Variants in ARFGEF3 observed in about 807,000 individuals in gnomAD.
ARFGEF3 encodes brefeldin A-inhibited guanine nucleotide-exchange protein 3.
ARFGEF3 carries 96 observed loss-of-function variants against 221.7 expected under a neutral mutation model. That is an observed-to-expected ratio of 0.43 (90% CI 0.37 to 0.51). The LOEUF (loss-of-function observed/expected upper bound fraction) is 0.51. ARFGEF3 is among the 20% of genes least tolerant of loss of function. ARFGEF3 has a pLI of 0.00. For missense variants in ARFGEF3, 2,410 were observed against 2,789.9 expected (o/e 0.86, Z 3.07); for synonymous variants, 1,145 against 1,126.8 (o/e 1.02, Z -0.32).
intron 4 of ARFGEF3, chr6:138,217,921 T>A: frequency 6.6e-7 from 1 of 1,523,022 alleles, no homozygotes; most frequent in East Asian, 2.3e-5. Context: ...AAACAGTCAT[T>A]GGTAGCAGAA....
At chr6:138,316,323 C>A (rs555630041) in intron 26 of ARFGEF3, among the ~76,000 whole-genome samples, 12 of 152,292 alleles carry the variant, frequency 7.9e-5, no homozygotes, top group African/African-American at 2.9e-4. Flanking sequence ...TGATACATTA[C>A]ATTATCAGAT....
intron 12 of ARFGEF3, among the ~76,000 whole-genome samples, chr6:138,275,179 A>G (rs556622776): frequency 1.3e-5 from 2 of 152,254 alleles, no homozygotes; most frequent in African/African-American, 4.8e-5. Context: ...CATGATCACA[A>G]AGTGCTCTTG....
At chr6:138,260,261 A>T (rs1262730297) in intron 10 of ARFGEF3, among the ~76,000 whole-genome samples, 1 of 152,204 alleles carries the variant, frequency 6.6e-6, no homozygotes, top group East Asian at 1.9e-4. Context: ...GTATGAAAGA[A>T]ATATGGAAAG....
Position 138,336,365 on chromosome 6 carries a change from T to G in ARFGEF3, c.6413T>G (p.Leu2138Arg), listed in dbSNP as rs749956063. 1 of 1,612,026 alleles carries G rather than the reference T, an allele frequency of 6.2e-7. No individual in the cohort carries two copies. The change falls in exon 34 of 34, where the codon CTC becomes CGC. Residue 2138 changes from leucine (L) to arginine (R), a missense_variant. Physicochemically the swap from Leu to Arg is moderately radical, Grantham distance 102. Around this residue, in one of 5 missense-constraint regions of ARFGEF3, gnomAD observed 339 missense variants for 334.9 expected, o/e 1.01. Transcript: ENST00000251691. The stretch of plus-strand genomic sequence containing the variant: ...CTCCCAGACCAGACCTTCACGGCCC[T>G]CCAGCCCGCAGTGTTCCCGTGCATC... ...QILPDQTFTA[L>R]QPAVFPCISQ... is the part of the protein sequence containing the mutation.
intron 27 of ARFGEF3, among the ~76,000 whole-genome samples, chr6:138,318,500 A>G (rs1024553154): frequency 6.6e-6 from 1 of 152,258 alleles, no homozygotes; most frequent in African/African-American, 2.4e-5. Context: ...GTTAAAATTA[A>G]TATTTGTGAA....
At position 138,337,617 on chromosome 6, in the gene ARFGEF3, A is replaced by C. The variant is rs2114705254; in HGVS notation, c.*1131A>C. The C allele has an allele frequency of 6.6e-6, 1 of 152,452 alleles. No homozygotes were observed. Among genetic ancestry groups the C allele is most frequent in the East Asian group, 1.9e-4 (1 of 5,192 alleles). 9.4% of individuals were successfully genotyped at this position (152,452 alleles called of 1,614,324 possible). On this transcript the variant is annotated 3_prime_UTR_variant, in exon 34 of 34. Coordinates refer to ENST00000251691, the MANE Select transcript of ARFGEF3 (RefSeq NM_020340.5). Reference sequence around the variant, plus strand: ...AGTCTCAAAATGAAAGTAATGGAGAAAGACACTGAAATTTAGAAAATTTTG... The same window carrying C: ...AGTCTCAAAATGAAAGTAATGGAGACAGACACTGAAATTTAGAAAATTTTG...
At position 138,308,677 on chromosome 6, in the gene ARFGEF3, A is replaced by T; in HGVS notation, c.3974-62A>T. On this transcript the variant is annotated intron_variant, in intron 23 of 33. Coordinates refer to ENST00000251691, the MANE Select transcript of ARFGEF3 (RefSeq NM_020340.5). Reference sequence around the variant, plus strand: ...GTGGAACGTGCTGGGAATATGGGCAACCCTGGCAAACCCGAGGGCAGAAAC... The same window carrying T: ...GTGGAACGTGCTGGGAATATGGGCATCCCTGGCAAACCCGAGGGCAGAAAC... The T allele has an allele frequency of 6.9e-6, 11 of 1,590,064 alleles. 1 individual carries two copies. In the South Asian group the frequency reaches 1.1e-4, roughly 16 times the overall value.
intron 8 of ARFGEF3, among the ~76,000 whole-genome samples, chr6:138,246,279 A>G (rs115828450): frequency 3.1e-3 from 477 of 151,978 alleles, no homozygotes; most frequent in African/African-American, 0.011. Context: ...TGAATTGCAA[A>G]ATTCTACAAC....
In ARFGEF3 at chr6:138,334,416, C is replaced by CTGAGGATGAAGACATCTT. The variant is rs1215273825; in HGVS notation, c.5577_5594dup (p.Asp1859_Glu1864dup). 1 of 1,612,260 alleles carries CTGAGGATGAAGACATCTT rather than the reference C, an allele frequency of 6.2e-7. No homozygotes were observed. The highest frequency in any genetic ancestry group is 1.1e-5 in the South Asian group (1 of 90,596). ...ACGGATTCTTCCCAGCAGTGTTCATCTGAGGATGAAGACATCTTTGAGGAA... is the reference window on the plus strand; with the variant it reads ...ACGGATTCTTCCCAGCAGTGTTCATCTGAGGATGAAGACATCTTTGAGGATGAAGACATCTTTGAGGAA... On this transcript the variant is annotated inframe_insertion, in exon 33 of 34. Coordinates refer to ENST00000251691, the MANE Select transcript of ARFGEF3 (RefSeq NM_020340.5). The surrounding 1 kb of genome is among the most constrained non-coding windows in gnomAD (Gnocchi z 5.1).
intron 5 of ARFGEF3, among the ~76,000 whole-genome samples, chr6:138,232,273 G>A (rs1484178280): frequency 6.6e-6 from 1 of 152,118 alleles, no homozygotes; most frequent in African/African-American, 2.4e-5. Flanking sequence ...TTGGGAGGCC[G>A]AGACAGGCGG....
In ARFGEF3 at chr6:138,286,035, G is replaced by C. The variant is rs368032566; in HGVS notation, c.2551G>C (p.Asp851His). 1.9e-6 allele frequency: 3 copies of C among 1,604,312 alleles called. No individual in the cohort carries two copies. The South Asian group carries it at 3.3e-5, about 18-fold the overall frequency. The change falls in exon 15 of 34, where the codon GAT (aspartate) becomes CAT (histidine). Residue 851 changes from aspartate (D) to histidine (H), a missense_variant. Physicochemically the swap from Asp to His is moderately conservative, Grantham distance 81. Around this residue, in one of 5 missense-constraint regions of ARFGEF3, gnomAD observed 594 missense variants for 734.3 expected, o/e 0.81. Coordinates refer to ENST00000251691, the MANE Select transcript of ARFGEF3 (RefSeq NM_020340.5). ...ESPFAQSRRIDDSTVAGVAFA... is the reference protein window; with the variant it reads ...ESPFAQSRRIHDSTVAGVAFA... Reference sequence around the variant, plus strand: ...TCCTTTCGCCCAGAGCAGGAGAATTGATGACTCCACAGTGGCAGGTAATGA... The same window carrying C: ...TCCTTTCGCCCAGAGCAGGAGAATTCATGACTCCACAGTGGCAGGTAATGA...
At chr6:138,308,064 C>T (rs959568865) in intron 23 of ARFGEF3, among the ~76,000 whole-genome samples, 1 of 152,204 alleles carries the variant, frequency 6.6e-6, no homozygotes, top group African/African-American at 2.4e-5. Flanking sequence ...AACACAGCAA[C>T]ATGTTTGCAA....
At chr6:138,224,240 G>A (rs1028287051) in intron 4 of ARFGEF3, among the ~76,000 whole-genome samples, 5 of 152,228 alleles carry the variant, frequency 3.3e-5, no homozygotes, top group African/African-American at 1.2e-4. Flanking sequence ...GTTCTCAGCA[G>A]AGCATAATGG....
intron 31 of ARFGEF3, among the ~76,000 whole-genome samples, chr6:138,326,260 A>T (rs920037671): frequency 1.3e-5 from 2 of 152,210 alleles, no homozygotes; most frequent in African/African-American, 4.8e-5. Flanking sequence ...GATAATTCTT[A>T]CAAGATTTTG....
At chr6:138,195,549 C>CA (rs1777400733) in intron 2 of ARFGEF3, among the ~76,000 whole-genome samples, 2 of 152,092 alleles carry the variant, frequency 1.3e-5, no homozygotes, top group African/African-American at 4.8e-5. Flanking sequence ...ATAACATTTT[C>CA]AAAGTATTTT....
chr6:138,299,198 T>TAAAAA lies in ARFGEF3; in HGVS notation c.3828+435_3828+439dup, dbSNP rs60475752. ...GCCTGAGTGACAGAGCGAGACTCTG[T>TAAAAA]AAAAAAAAAAAAAAAAAAAAAAAAA... On this transcript the variant is annotated intron_variant, in intron 22 of 33. Coordinates refer to ENST00000251691, the MANE Select transcript of ARFGEF3 (RefSeq NM_020340.5). Among the ~76,000 whole-genome samples, 21 of 39,438 alleles carry TAAAAA rather than the reference T, an allele frequency of 5.3e-4. 4 individuals carry two copies. The East Asian group carries it at 9.8e-3, about 18-fold the overall frequency. The allele number at this position is 39,438 out of a possible 152,430, so 25.9% of individuals were successfully genotyped here. A position where few individuals can be genotyped will look rare whatever the true frequency, so the allele number is the denominator to read the frequency against.
Position 138,317,300 on chromosome 6 carries a change from G to A in ARFGEF3, c.4395G>A (p.Val1465=). 3 of 1,613,972 alleles carry A rather than the reference G, an allele frequency of 1.9e-6. No individual in the cohort carries two copies. The highest frequency in any genetic ancestry group is 2.7e-5 in the African/African-American group (2 of 75,058). ...IILLEQLTAA[V]SNCPRQHQPP... ...TGCTGGAGCAGCTGACAGCGGCTGT[G>A]TCCAATTGTCCACGGCAGCACCAAC... Residue 1465 remains valine (V), a synonymous_variant, in exon 27 of 34, where the codon GTG becomes GTA. Coordinates refer to ENST00000251691, the MANE Select transcript of ARFGEF3 (RefSeq NM_020340.5).
intron 29 of ARFGEF3, among the ~76,000 whole-genome samples, chr6:138,322,176 G>A (rs1248934279): frequency 6.6e-6 from 1 of 152,190 alleles, no homozygotes; most frequent in Non-Finnish European, 1.5e-5. Context: ...GGCCAAGTAA[G>A]AGGGTACTTT....
At chr6:138,218,618 T>C in intron 4 of ARFGEF3, 1 of 818,652 alleles carries the variant, frequency 1.2e-6, no homozygotes, top group Non-Finnish European at 1.7e-6. Flanking sequence ...CTGTAATTAT[T>C]GTTTCAGATG....
Sources: gnomAD v4.1 joint callset for allele counts (sites outside exome capture counted in the v4.1 genomes callset) on GRCh38, gnomAD v4.1.1 for gene constraint, gnomAD v4.1.1 regional missense constraint, Gnocchi (gnomAD v3.1) non-coding constraint, MANE v1.5 for transcripts, NCBI Gene and HGNC (gene_info 2026-07-23, HGNC 2026-07-21) for gene names.